The following PID1 variants were observed in gnomAD, a reference collection of about 807,000 sequenced individuals.
PID1 encodes the protein phosphotyrosine interaction domain containing 1.
Under a neutral mutation model 19.1 loss-of-function variants are expected in PID1, and 10 were observed. The observed-to-expected ratio is 0.52, with a 90% confidence interval of 0.32 to 0.89. The LOEUF is 0.89. Ranked by LOEUF, PID1 falls within the 40% of genes least tolerant of loss-of-function variation. The probability of loss-of-function intolerance (pLI) is 0.03; values close to 1 mark genes in which losing one functional copy is unlikely to be tolerated. For missense variants in PID1, 248 were observed against 285.3 expected, an observed-to-expected ratio of 0.87 and a Z score of 0.94; for synonymous variants, 130 against 116.0, an observed-to-expected ratio of 1.12 and a Z score of -0.78.
chr2:229,158,446 T>C (rs1690426501), intron 1 of PID1, among the ~76,000 whole-genome samples: 1 of 152,180 alleles, frequency 6.6e-6, no homozygotes, highest in African/African-American at 2.4e-5. Flanking sequence ...TACTTTATTG[T>C]CTTCCAGTAG....
At chr2:229,038,978 A>C (rs531295268) in intron 2 of PID1, among the ~76,000 whole-genome samples, 70 of 152,348 alleles carry the variant, frequency 4.6e-4, no homozygotes, top group African/African-American at 1.7e-3. Context: ...TCCAAGAAAG[A>C]ATCTCACAAT....
chr2:229,068,693 G>C (rs1004194389), intron 2 of PID1, among the ~76,000 whole-genome samples: 1 of 152,120 alleles, frequency 6.6e-6, no homozygotes, highest in South Asian at 2.1e-4. Context: ...AGCATGGAGC[G>C]GATCAGAGAA....
chr2:229,105,465 A>G (rs562682107), intron 2 of PID1, among the ~76,000 whole-genome samples: 1 of 152,370 alleles, frequency 6.6e-6, no homozygotes, highest in Admixed American at 6.5e-5. Flanking sequence ...GATCTGAGAT[A>G]TGCAATTTTT....
chr2:229,043,898 G>A (rs571872983), intron 2 of PID1, among the ~76,000 whole-genome samples: 2 of 152,124 alleles, frequency 1.3e-5, no homozygotes, highest in South Asian at 4.2e-4. Context: ...TGGCTCTGTG[G>A]CCAGCCAAGG....
chr2:229,039,033 C>T (rs1038946524), intron 2 of PID1, among the ~76,000 whole-genome samples: 4 of 152,070 alleles, frequency 2.6e-5, no homozygotes, highest in Non-Finnish European at 4.4e-5. Flanking sequence ...AAAAGGGTGC[C>T]CTCTACTTAA....
intron 2 of PID1, among the ~76,000 whole-genome samples, chr2:229,076,802 G>A (rs1694567732): frequency 6.6e-6 from 1 of 152,132 alleles, no homozygotes; most frequent in Non-Finnish European, 1.5e-5. Flanking sequence ...ACATTGATGG[G>A]CATTTGGGTT....
intron 1 of PID1, among the ~76,000 whole-genome samples, chr2:229,195,247 C>T (rs1039150007): frequency 6.6e-6 from 1 of 151,668 alleles, no homozygotes; most frequent in Non-Finnish European, 1.5e-5. Context: ...TACCCTTCTG[C>T]CCTGTCCCTT....
At chr2:229,045,336 T>C (rs1245791814) in intron 2 of PID1, among the ~76,000 whole-genome samples, 1 of 152,220 alleles carries the variant, frequency 6.6e-6, no homozygotes, top group African/African-American at 2.4e-5. Flanking sequence ...AGTTGATTAA[T>C]AATAATTTCA....
At chr2:229,250,139 C>T (rs1174599405) in intron 1 of PID1, among the ~76,000 whole-genome samples, 1 of 152,078 alleles carries the variant, frequency 6.6e-6, no homozygotes, top group Non-Finnish European at 1.5e-5. Context: ...TGCTCACATC[C>T]AATGTGAAAA....
intron 1 of PID1, among the ~76,000 whole-genome samples, chr2:229,190,058 C>A (rs895281714): frequency 2.3e-4 from 35 of 152,268 alleles, no homozygotes; most frequent in African/African-American, 7.9e-4. Flanking sequence ...TGACTCCAGG[C>A]TCAGAGCCCT....
At chr2:229,255,029 G>T (rs1048442890) in intron 1 of PID1, among the ~76,000 whole-genome samples, 1 of 152,166 alleles carries the variant, frequency 6.6e-6, no homozygotes, top group African/African-American at 2.4e-5. Flanking sequence ...TGATTAGAGT[G>T]TGCAATATTT....
chr2:229,129,487 C>T (rs1340230246), intron 2 of PID1, among the ~76,000 whole-genome samples: 1 of 151,436 alleles, frequency 6.6e-6, no homozygotes, highest in East Asian at 1.9e-4. Context: ...GCTACTTTTA[C>T]ACACCCAAAC....
chr2:229,069,347 G>A (rs953646031), intron 2 of PID1, among the ~76,000 whole-genome samples: 1 of 152,040 alleles, frequency 6.6e-6, no homozygotes, highest in African/African-American at 2.4e-5. Flanking sequence ...AGACAGTAAG[G>A]GAGAGAGGCG....
intron 1 of PID1, among the ~76,000 whole-genome samples, chr2:229,241,192 C>A (rs1011195953): frequency 8.6e-5 from 13 of 152,024 alleles, no homozygotes; most frequent in Non-Finnish European, 1.5e-4. Flanking sequence ...TTCTTAGGGT[C>A]TATTTTTATT....
chr2:229,139,146 A>AAAGAAAGAAAGAAAGCAAGCAAGCAAGC (rs1293626727), intron 2 of PID1, among the ~76,000 whole-genome samples: 5 of 108,972 alleles, frequency 4.6e-5, no homozygotes, highest in Non-Finnish European at 9.5e-5. Context: ...AGAAAGAAAG[A>AAAGAAAGAAAGAAAGCAAGCAAGCAAGC]AAGCAAGCGA....
At chr2:229,260,838 T>TTTTTTTTTTTTTA in intron 1 of PID1, among the ~76,000 whole-genome samples, 1 of 149,418 alleles carries the variant, frequency 6.7e-6, no homozygotes, top group Non-Finnish European at 1.5e-5. Context: ...TTTTTTTTTT[T>TTTTTTTTTTTTTA]TGGTGGCTGG....
intron 2 of PID1, among the ~76,000 whole-genome samples, chr2:229,116,030 T>C (rs1695404298): frequency 6.6e-6 from 1 of 152,074 alleles, no homozygotes; most frequent in African/African-American, 2.4e-5. Flanking sequence ...ACGACCATCC[T>C]GGCTAACACG....
At chr2:229,037,163 T>G (rs1480517395) in intron 2 of PID1, among the ~76,000 whole-genome samples, 2 of 152,216 alleles carry the variant, frequency 1.3e-5, no homozygotes, top group Non-Finnish European at 2.9e-5. Context: ...ATTTAAAAAA[T>G]GCTTAGCACT....
intron 2 of PID1, among the ~76,000 whole-genome samples, chr2:229,125,261 C>T (rs1322771778): frequency 6.6e-6 from 1 of 152,076 alleles, no homozygotes; most frequent in African/African-American, 2.4e-5. Flanking sequence ...GCTTGGGTCT[C>T]AGAGTAGAAA....
Sources: gnomAD v4.1 joint callset for allele counts (sites outside exome capture counted in the v4.1 genomes callset) on GRCh38, gnomAD v4.1.1 for gene constraint, MANE v1.5 for transcripts, NCBI Gene and HGNC (gene_info 2026-07-23, HGNC 2026-07-21) for gene names.